The following TIAM1 variants were observed in gnomAD, a reference collection of about 807,000 sequenced individuals.
The protein encoded by TIAM1 is TIAM Rac1 associated GEF 1, also known as rho guanine nucleotide exchange factor TIAM1.
Under a neutral mutation model 163.5 loss-of-function variants are expected in TIAM1, and 65 were observed. The observed-to-expected ratio is 0.40, with a 90% CI of 0.33 to 0.49. The LOEUF (loss-of-function observed/expected upper bound fraction) is 0.49. Ranked by LOEUF, TIAM1 falls within the 20% of genes least tolerant of loss-of-function variation. The pLI, the probability that TIAM1 is intolerant of heterozygous loss-of-function variation, is 0.77. For missense variants in TIAM1, 1,789 were observed against 2,044.7 expected (o/e 0.87, Z 2.41); for synonymous variants, 833 against 810.1 (o/e 1.03, Z -0.48).
chr21:31,465,641 G>A (rs1259543048), intron 1 of TIAM1, among the ~76,000 whole-genome samples: 3 of 151,832 alleles, frequency 2.0e-5, no homozygotes, highest in Non-Finnish European at 4.4e-5. Context: ...TGCGATCTTG[G>A]CTCACTGCAA....
At chr21:31,245,339 T>C (rs977271125) in intron 6 of TIAM1, 149 bp downstream of exon 6, 1 of 600,994 alleles carries the variant, frequency 1.7e-6, no homozygotes, top group Middle Eastern at 5.1e-4. Context: ...ACTGTTTTTG[T>C]TTTTATAATG....
chr21:31,298,333 TG>T (rs1354874083), intron 2 of TIAM1, among the ~76,000 whole-genome samples: 1 of 152,240 alleles, frequency 6.6e-6, no homozygotes, highest in African/African-American at 2.4e-5. Flanking sequence ...TTTAACCTAG[TG>T]TTTTCTAAAC....
chr21:31,475,300 C>T (rs542989808), intron 1 of TIAM1, among the ~76,000 whole-genome samples: 1 of 151,924 alleles, frequency 6.6e-6, no homozygotes, highest in African/African-American at 2.4e-5. Context: ...GTGATCCACC[C>T]TCCTCAGCCT....
intron 2 of TIAM1, among the ~76,000 whole-genome samples, chr21:31,444,598 T>C (rs997927832): frequency 6.6e-6 from 1 of 152,094 alleles, no homozygotes; most frequent in Non-Finnish European, 1.5e-5. Context: ...GAAATGAGAC[T>C]GGACTAATTA....
At chr21:31,415,648 T>C (rs1052963074) in intron 2 of TIAM1, among the ~76,000 whole-genome samples, 2 of 152,224 alleles carry the variant, frequency 1.3e-5, no homozygotes, top group South Asian at 2.1e-4. Context: ...AATGGTAGGA[T>C]TGTTGTGGCC....
intron 23 of TIAM1, among the ~76,000 whole-genome samples, chr21:31,132,592 C>T (rs2082454877): frequency 6.6e-6 from 1 of 152,232 alleles, no homozygotes; most frequent in Admixed American, 6.5e-5. Flanking sequence ...CACCATGCCA[C>T]TGGGACCACA....
intron 6 of TIAM1, among the ~76,000 whole-genome samples, chr21:31,243,454 T>A (rs2071329574): frequency 6.7e-6 from 1 of 149,456 alleles, no homozygotes; most frequent in South Asian, 2.1e-4. Context: ...ACCAAAGGAG[T>A]GGAGCAAGAT....
chr21:31,188,205 T>C (rs1350227879), intron 13 of TIAM1, among the ~76,000 whole-genome samples: 1 of 152,158 alleles, frequency 6.6e-6, no homozygotes, highest in African/African-American at 2.4e-5. Context: ...AAAGGCTAAT[T>C]GCCATCGCCC....
rs1455397995 is a variant in TIAM1 at position 31,189,270 on chromosome 21, G to C, written c.2576-2183C>G. 2.6e-5 allele frequency among the ~76,000 whole-genome samples: 4 copies of C among 151,880 alleles called. No homozygotes were observed. The East Asian group carries it at 7.8e-4, about 30-fold the overall frequency. ...GGGTTCCGTCATGCTGGCCAGACTG[G>C]TCTCAAACTCCTGACTTCAAGTGAT... On this transcript the variant is annotated intron_variant, in intron 13 of 27. Transcript: ENST00000541036.
At chr21:31,465,722 C>T (rs2045504285) in intron 1 of TIAM1, among the ~76,000 whole-genome samples, 2 of 152,216 alleles carry the variant, frequency 1.3e-5, no homozygotes, top group Admixed American at 6.5e-5. Flanking sequence ...AGGCGCCCGC[C>T]ACCATGCCCA....
chr21:31,550,324 A>G (rs1007716056), intron 1 of TIAM1, among the ~76,000 whole-genome samples: 3 of 152,320 alleles, frequency 2.0e-5, no homozygotes, highest in African/African-American at 7.2e-5. Flanking sequence ...AAATACTGAT[A>G]CACGTCACAC....
At chr21:31,483,718 C>T (rs1364993852) in intron 1 of TIAM1, among the ~76,000 whole-genome samples, 1 of 152,060 alleles carries the variant, frequency 6.6e-6, no homozygotes, top group Admixed American at 6.6e-5. Context: ...TGACAGAGTC[C>T]GTGCATCCAG....
In TIAM1 at chr21:31,365,058, C is replaced by T. The variant is rs572481249; in HGVS notation, c.-368-25636G>A. Among the ~76,000 whole-genome samples the T allele has an allele frequency of 3.9e-5, 6 of 152,210 alleles. No homozygotes were observed. In the South Asian group the frequency reaches 1.0e-3, roughly 26 times the overall value. ...CATGACACCAATTATTCTTCTTTTC[C>T]CCCCAGCCGCTTAAAAATGTAAAAG... On this transcript the variant is annotated intron_variant, in intron 2 of 28. Transcript: ENST00000286827.
intron 11 of TIAM1, among the ~76,000 whole-genome samples, chr21:31,206,375 A>G (rs759286224): frequency 1.7e-4 from 26 of 152,234 alleles, no homozygotes; most frequent in Admixed American, 3.9e-4. Context: ...ACAACTAACC[A>G]TGTTCAGAAT....
In TIAM1 at chr21:31,182,443, G is replaced by A. The variant is rs765735636; in HGVS notation, c.2865C>T (p.Leu955=). Residue 955 remains leucine (L), a synonymous_variant, in exon 15 of 28, where the codon CTC becomes CTT. Coordinates refer to ENST00000541036, the MANE Select transcript of TIAM1 (RefSeq NM_001353694.2). ...DGPADLGESP[L]AFLTSNPGHS... ...TACCTGGGTTGCTGGTGAGAAAGGC[G>A]AGGGGGCTCTCGCCAAGGTCGGCAG... The A allele has an allele frequency of 3.8e-6, 6 of 1,590,956 alleles. No individual in the cohort carries two copies. Among genetic ancestry groups the A allele is most frequent in the Non-Finnish European group, 3.4e-6 (4 of 1,169,272 alleles).
chr21:31,173,552 GAAA>G (rs1224807229), intron 15 of TIAM1, among the ~76,000 whole-genome samples: 1 of 146,392 alleles, frequency 6.8e-6, no homozygotes, highest in Non-Finnish European at 1.5e-5. Flanking sequence ...GAGAGAGAGA[GAAA>G]AGAAAAGAAA....
At chr21:31,219,119 G>T (rs1437860914) in intron 8 of TIAM1, among the ~76,000 whole-genome samples, 1 of 147,948 alleles carries the variant, frequency 6.8e-6, no homozygotes, top group South Asian at 2.1e-4. Context: ...ATTTCACAAG[G>T]GAACACCCTA....
At chr21:31,453,492 G>A (rs1476058694) in intron 2 of TIAM1, among the ~76,000 whole-genome samples, 7 of 151,904 alleles carry the variant, frequency 4.6e-5, no homozygotes, top group Non-Finnish European at 8.8e-5. Context: ...TCGGGAGTTC[G>A]AGACCAGCCT....
chr21:31,491,073 G>A lies in TIAM1; in HGVS notation c.-421-27038C>T, dbSNP rs147406789. Among the ~76,000 whole-genome samples, 424 of 152,312 alleles carry A rather than the reference G, an allele frequency of 2.8e-3. 2 individuals carry two copies. The highest frequency in any genetic ancestry group is 9.3e-3 in the African/African-American group (387 of 41,558). On this transcript the variant is annotated intron_variant, in intron 1 of 28. Transcript: ENST00000286827. The stretch of plus-strand genomic sequence containing the variant: ...TTGACCTAGGGAGTCGGAGGTTGCC[G>A]TGAGCCGGGATTGCGCCACTGCGCT...
Sources: allele counts gnomAD v4.1 joint callset (sites outside exome capture counted in the v4.1 genomes callset), GRCh38; gene constraint gnomAD v4.1.1; transcripts MANE v1.5; gene names NCBI Gene and HGNC (gene_info 2026-07-23, HGNC 2026-07-21).